The following MED26 variants were observed in gnomAD, a reference collection of about 807,000 sequenced individuals.
The protein encoded by MED26 is mediator complex subunit 26, also known as mediator of RNA polymerase II transcription subunit 26.
MED26 carries 7 observed loss-of-function variants against 43.7 expected under a neutral mutation model. The observed-to-expected ratio is 0.16, with a 90% CI of 0.09 to 0.30. MED26 has a LOEUF of 0.30. Among genes scored for constraint, MED26 ranks in the 10% least tolerant of loss-of-function variants. MED26 has a pLI of 1.00. For synonymous variants in MED26, 375 were observed against 371.1 expected (o/e 1.01, Z -0.12); for missense variants, 784 against 840.6 (o/e 0.93, Z 0.83).
chr19:16,601,527 T>C (rs1045274769), intron 1 of MED26, among the ~76,000 whole-genome samples: 2 of 152,190 alleles, frequency 1.3e-5, no homozygotes, highest in African/African-American at 4.8e-5. Flanking sequence ...GCCTGTGGCC[T>C]TGAAGGTGCT....
chr19:16,600,991 G>A (rs1218180834), intron 1 of MED26, among the ~76,000 whole-genome samples: 2 of 151,940 alleles, frequency 1.3e-5, no homozygotes, highest in Non-Finnish European at 1.5e-5. Flanking sequence ...CTACTGGGGA[G>A]GCTGAGGCAC....
intron 1 of MED26, among the ~76,000 whole-genome samples, chr19:16,602,386 T>G (rs894401024): frequency 8.5e-5 from 13 of 152,078 alleles, no homozygotes; most frequent in African/African-American, 3.1e-4. Context: ...CCATCCCCAC[T>G]ACCCTCTCCC....
chr19:16,597,729 G>A (rs2122414938), intron 1 of MED26, among the ~76,000 whole-genome samples: 1 of 152,180 alleles, frequency 6.6e-6, no homozygotes, highest in East Asian at 1.9e-4. Flanking sequence ...TTTTTTGTTT[G>A]TTTGTTTTTG....
intron 1 of MED26, among the ~76,000 whole-genome samples, chr19:16,618,879 C>T (rs767131670): frequency 3.9e-5 from 6 of 152,162 alleles, no homozygotes; most frequent in African/African-American, 1.2e-4. Flanking sequence ...AGCAAAGAGT[C>T]GGGAGTTCGG....
intron 1 of MED26, chr19:16,624,214 AG>A (rs2086263708): frequency 6.6e-6 from 1 of 152,204 alleles, no homozygotes; most frequent in African/African-American, 2.4e-5. Flanking sequence ...TGCATACACC[AG>A]TTCCCAATCC....
chr19:16,626,904 G>C (rs1679978295), intron 1 of MED26, among the ~76,000 whole-genome samples: 1 of 151,534 alleles, frequency 6.6e-6, no homozygotes, highest in African/African-American at 2.4e-5. Context: ...TATGAGAATA[G>C]ATCAGTCTTC....
At chr19:16,604,667 C>G (rs1318641045) in intron 1 of MED26, among the ~76,000 whole-genome samples, 2 of 152,156 alleles carry the variant, frequency 1.3e-5, no homozygotes, top group African/African-American at 4.8e-5. Context: ...CCACCTTAGG[C>G]CAGGTTTGCT....
intron 1 of MED26, among the ~76,000 whole-genome samples, chr19:16,620,895 T>C (rs2086248628): frequency 6.6e-6 from 1 of 152,184 alleles, no homozygotes; most frequent in Non-Finnish European, 1.5e-5. Flanking sequence ...TTTAAAACAG[T>C]TACTCAAAGC....
chr19:16,626,163 G>A (rs1411710458), intron 1 of MED26, among the ~76,000 whole-genome samples: 1 of 152,114 alleles, frequency 6.6e-6, no homozygotes. Context: ...GCCTGTCAAA[G>A]TGCCGCCTGA....
At position 16,621,872 on chromosome 19, in the gene MED26, C is replaced by A. The variant is rs11881069; in HGVS notation, c.72+6000G>T. 2.0e-3 allele frequency among the ~76,000 whole-genome samples: 312 copies of A among 152,254 alleles called. 1 individual carries two copies. The highest frequency in any genetic ancestry group is 7.3e-3 in the African/African-American group (305 of 41,542). ...AGCAAATCTAATCCAGAGGGTACAA[C>A]AACACCCCAAATACTGAAAACCAGT... is the stretch of plus-strand genomic sequence containing the variant. On this transcript the variant is annotated intron_variant, in intron 1 of 2. Transcript: ENST00000263390.
chr19:16,576,817 G>A lies in MED26; in HGVS notation c.1013C>T (p.Pro338Leu). ...CTCAGGCTGCTCAAGCCAGCACACT[G>A]GGCTTTCCGCACTGGGCAGCAGCTC... ...RLELLPSAESPVCWLEQPESH... is the reference protein window; with the variant it reads ...RLELLPSAESLVCWLEQPESH... Residue 338 changes from proline to leucine, a missense_variant, in exon 3 of 3, where the codon CCA becomes CTA. Physicochemically the swap from Pro to Leu is moderately conservative, Grantham distance 98 (BLOSUM62 -3). Around this residue, in one of 3 missense-constraint regions of MED26, gnomAD observed 719 missense variants for 730.9 expected, o/e 0.98. Transcript: ENST00000263390. This position sits in a 1 kb window ranked among gnomAD's most constrained non-coding sequence, Gnocchi z 6.8. 1.9e-6 allele frequency: 3 copies of A among 1,609,406 alleles called. No individual in the cohort carries two copies. Among genetic ancestry groups the A allele is most frequent in the Non-Finnish European group, 2.5e-6 (3 of 1,178,882 alleles).
At chr19:16,581,865 C>T (rs2086047466) in intron 1 of MED26, among the ~76,000 whole-genome samples, 1 of 152,270 alleles carries the variant, frequency 6.6e-6, no homozygotes, top group African/African-American at 2.4e-5. Context: ...GGAAATGCTA[C>T]AGCCTTGGCA....
intron 1 of MED26, among the ~76,000 whole-genome samples, chr19:16,579,816 G>T (rs1288315136): frequency 1.3e-5 from 2 of 152,136 alleles, no homozygotes; most frequent in African/African-American, 2.4e-5. Flanking sequence ...GCATTTCCTT[G>T]CATTTTTTTC....
rs566731335 is a variant in MED26, at chr19:16,574,932, T to A, written c.*1095A>T. ...GGTTTGTGCAAATGGTTTTTTTTTT[T>A]TTTTTATTTCCACATTTATATCACA... On this transcript the variant is annotated 3_prime_UTR_variant, in exon 3 of 3. Transcript: ENST00000263390. The A allele has an allele frequency of 2.3e-3, 346 of 152,658 alleles. 1 individual carries two copies. The highest frequency in any genetic ancestry group is 3.4e-3 in the Non-Finnish European group (228 of 67,988). The allele number at this position is 152,658 out of a possible 1,614,324, so 9.5% of individuals were successfully genotyped here.
intron 1 of MED26, among the ~76,000 whole-genome samples, chr19:16,584,358 G>A (rs1424150047): frequency 4.0e-5 from 6 of 150,600 alleles, no homozygotes; most frequent in Non-Finnish European, 8.8e-5. Context: ...CTTCCGGAAA[G>A]GCTGGCACCT....
intron 1 of MED26, among the ~76,000 whole-genome samples, chr19:16,617,132 A>AC (rs1243116384): frequency 2.0e-5 from 3 of 152,090 alleles, no homozygotes; most frequent in Non-Finnish European, 4.4e-5. Flanking sequence ...ACTCGGTCAC[A>AC]CCCCTAACTC....
intron 1 of MED26, among the ~76,000 whole-genome samples, chr19:16,581,732 G>C (rs1331854218): frequency 6.6e-6 from 1 of 152,226 alleles, no homozygotes; most frequent in Non-Finnish European, 1.5e-5. Flanking sequence ...TGTGGGAGCT[G>C]GGGACACCAG....
chr19:16,627,019 G>A (rs955098838), intron 1 of MED26, among the ~76,000 whole-genome samples: 1 of 149,888 alleles, frequency 6.7e-6, no homozygotes, highest in East Asian at 2.0e-4. Context: ...CCGAGGAAGC[G>A]ACACTCTGGA....
chr19:16,589,853 C>G (rs2086087832), intron 1 of MED26, among the ~76,000 whole-genome samples: 1 of 152,240 alleles, frequency 6.6e-6, no homozygotes. Context: ...GATGGTGAAG[C>G]TGTCAGGGTT....
Sources: gnomAD v4.1 joint callset for allele counts (sites outside exome capture counted in the v4.1 genomes callset) on GRCh38, gnomAD v4.1.1 for gene constraint, gnomAD v4.1.1 regional missense constraint, Gnocchi (gnomAD v3.1) non-coding constraint, MANE v1.5 for transcripts, NCBI Gene and HGNC (gene_info 2026-07-23, HGNC 2026-07-21) for gene names.